ATF7IP: variants seen among roughly 807,000 people sequenced by gnomAD.
The protein encoded by ATF7IP is activating transcription factor 7 interacting protein, also known as activating transcription factor 7-interacting protein 1.
ATF7IP carries 23 observed loss-of-function variants against 106.4 expected under a neutral mutation model. The observed-to-expected ratio is 0.22, with a 90% CI of 0.16 to 0.31. The LOEUF (loss-of-function observed/expected upper bound fraction) is 0.31, where lower values mean the gene tolerates loss of function less well. ATF7IP is among the 10% of genes least tolerant of loss of function. The pLI is 1.00. For missense variants in ATF7IP, 1,334 were observed against 1,524.3 expected (o/e 0.88, Z 2.08); for synonymous variants, 542 against 539.0 (o/e 1.01, Z -0.08).
chr12:14,374,096 A>AC lies in ATF7IP; in HGVS notation c.-8+8270dup, dbSNP rs1938632460. Among the ~76,000 whole-genome samples, 4 of 149,136 alleles carry AC rather than the reference A, an allele frequency of 2.7e-5. No individual in the cohort carries two copies. The East Asian group carries it at 7.9e-4, about 29-fold the overall frequency. Reference sequence around the variant, plus strand: ...TACATTTTCCATGATGGAAAATATGACTTTTTTTTTTTTTAATTGAGACTA... The same window carrying AC: ...TACATTTTCCATGATGGAAAATATGACCTTTTTTTTTTTTTAATTGAGACTA... On this transcript the variant is annotated intron_variant, in intron 1 of 14. Coordinates refer to ENST00000261168, the MANE Select transcript of ATF7IP (RefSeq NM_018179.5).
At chr12:14,403,471 T>A (rs889066851) in intron 1 of ATF7IP, among the ~76,000 whole-genome samples, 1 of 152,212 alleles carries the variant, frequency 6.6e-6, no homozygotes, top group East Asian at 1.9e-4. Context: ...ACTGCTCTTC[T>A]AGTCTCTCTA....
Position 14,502,568 on chromosome 12 carries a change from T to C in ATF7IP, c.*4495T>C, listed in dbSNP as rs1945188375. On this transcript the variant is annotated 3_prime_UTR_variant, in exon 15 of 15. Transcript: ENST00000261168. ...GTTTTGTTTTGTTTTGTAAATAAGG[T>C]AACTGGGCAATCAAACACCTTTTGG... 6.6e-6 allele frequency: 1 copy of C among 152,170 alleles called. No individual in the cohort carries two copies. Among genetic ancestry groups the C allele is most frequent in the African/African-American group, 2.4e-5 (1 of 41,456 alleles). The allele number at this position is 152,170 out of a possible 1,614,324, so 9.4% of individuals were successfully genotyped here.
chr12:14,490,010 G>A (rs747032358), intron 13 of ATF7IP, among the ~76,000 whole-genome samples: 5 of 152,186 alleles, frequency 3.3e-5, no homozygotes, highest in South Asian at 2.1e-4. Context: ...TGATCACCCC[G>A]AGGAATGGCA....
intron 1 of ATF7IP, among the ~76,000 whole-genome samples, chr12:14,379,903 G>C (rs529360706): frequency 2.0e-4 from 30 of 151,360 alleles, no homozygotes; most frequent in African/African-American, 7.0e-4. Flanking sequence ...ATTATGGTCT[G>C]CTGGCATGCT....
intron 1 of ATF7IP, among the ~76,000 whole-genome samples, chr12:14,374,617 A>T (rs575931893): frequency 6.6e-6 from 1 of 152,278 alleles, no homozygotes; most frequent in East Asian, 1.9e-4. Context: ...AGGAGATTTT[A>T]TGGGAGTTGT....
Position 14,498,249 on chromosome 12 carries a change from G to T in ATF7IP, c.*176G>T. The T allele has an allele frequency of 1.6e-6, 1 of 618,518 alleles. No individual in the cohort carries two copies. The highest frequency in any genetic ancestry group is 2.8e-5 in the East Asian group (1 of 36,130). The allele number at this position is 618,518 out of a possible 1,614,324, so 38.3% of individuals were successfully genotyped here. On this transcript the variant is annotated 3_prime_UTR_variant, in exon 15 of 15. Coordinates refer to ENST00000261168, the MANE Select transcript of ATF7IP (RefSeq NM_018179.5). ...AAAATAAACTCAGCCCACAAAGCTA[G>T]AATCTTTTCCTGGACAGTTTAGGCT...
chr12:14,413,345 G>A (rs1260774586), intron 1 of ATF7IP, among the ~76,000 whole-genome samples: 1 of 152,200 alleles, frequency 6.6e-6, no homozygotes, highest in African/African-American at 2.4e-5. Flanking sequence ...GCAGTCAGCA[G>A]GCTGGTGAAA....
intron 13 of ATF7IP, among the ~76,000 whole-genome samples, chr12:14,483,127 C>T (rs1944481574): frequency 6.6e-6 from 1 of 152,230 alleles, no homozygotes; most frequent in African/African-American, 2.4e-5. Flanking sequence ...TGACTACCTT[C>T]TTCTACTACC....
chr12:14,426,823 C>CAA (rs1491532843), intron 2 of ATF7IP, among the ~76,000 whole-genome samples: 4 of 16,054 alleles, frequency 2.5e-4, no homozygotes, highest in Non-Finnish European at 3.1e-4. Context: ...GACCCTGCCT[C>CAA]AAAAAAAAAA....
At chr12:14,430,483 A>G (rs1261475401) in intron 2 of ATF7IP, among the ~76,000 whole-genome samples, 1 of 152,232 alleles carries the variant, frequency 6.6e-6, no homozygotes, top group Non-Finnish European at 1.5e-5. Context: ...ATTATTTGCC[A>G]TTCTGTATTG....
At chr12:14,452,543 A>C (rs915622979) in intron 6 of ATF7IP, among the ~76,000 whole-genome samples, 1 of 152,110 alleles carries the variant, frequency 6.6e-6, no homozygotes, top group African/African-American at 2.4e-5. Context: ...TGGGGATTAC[A>C]TAAAACATCC....
At chr12:14,468,642 C>T (rs1471269947) in intron 10 of ATF7IP, among the ~76,000 whole-genome samples, 2 of 152,110 alleles carry the variant, frequency 1.3e-5, no homozygotes, top group Non-Finnish European at 2.9e-5. Context: ...TGCGTACAAG[C>T]AGTTTGAGCA....
Position 14,424,890 on chromosome 12 carries a change from A to G in ATF7IP, c.975A>G (p.Lys325=). Residue 325 remains lysine, a synonymous_variant, in exon 2 of 15, where the codon AAA becomes AAG. Transcript: ENST00000261168. ...DFLEKNGADE[K]LEQIQSKDSL... is the part of the protein sequence containing the mutation. The stretch of plus-strand genomic sequence containing the variant: ...TTGAAAAAAATGGAGCTGATGAAAA[A>G]TTAGAGCAAATTCAGAGTAAAGACT... 1.2e-6 allele frequency: 2 copies of G among 1,610,262 alleles called. No individual in the cohort carries two copies. The highest frequency in any genetic ancestry group is 4.5e-5 in the East Asian group (2 of 44,884).
At chr12:14,401,173 A>C (rs540454302) in intron 1 of ATF7IP, among the ~76,000 whole-genome samples, 1 of 152,128 alleles carries the variant, frequency 6.6e-6, no homozygotes, top group African/African-American at 2.4e-5. Flanking sequence ...TTCAAAATCC[A>C]TTTCTTCCTT....
chr12:14,452,900 G>T (rs971030442), intron 6 of ATF7IP, among the ~76,000 whole-genome samples: 41 of 152,032 alleles, frequency 2.7e-4, no homozygotes, highest in African/African-American at 8.7e-4. Context: ...GTATAGTGAT[G>T]AAACTCCTTC....
intron 2 of ATF7IP, among the ~76,000 whole-genome samples, chr12:14,433,277 G>C (rs926140664): frequency 6.6e-6 from 1 of 151,994 alleles, no homozygotes; most frequent in Non-Finnish European, 1.5e-5. Context: ...GAGGCTGAGG[G>C]GGGTGGATCA....
intron 1 of ATF7IP, among the ~76,000 whole-genome samples, chr12:14,379,258 C>T (rs539998667): frequency 1.3e-4 from 20 of 152,226 alleles, no homozygotes; most frequent in Non-Finnish European, 2.6e-4. Flanking sequence ...CTTGCCTCTG[C>T]CATGTGATGT....
rs115689342 is a variant in ATF7IP, at chr12:14,487,470, C to T, written c.3280+6285C>T. Among the ~76,000 whole-genome samples the T allele has an allele frequency of 1.7e-3, 253 of 152,276 alleles. 1 individual carries two copies. Among genetic ancestry groups the T allele is most frequent in the African/African-American group, 5.8e-3 (242 of 41,548 alleles). On this transcript the variant is annotated intron_variant, in intron 13 of 14. Coordinates refer to ENST00000261168, the MANE Select transcript of ATF7IP (RefSeq NM_018179.5). Reference sequence around the variant, plus strand: ...TACCTGGCAACTGCCTCAGAGGAGGCCATCACTGTTGCCTCACATATCACA... The same window carrying T: ...TACCTGGCAACTGCCTCAGAGGAGGTCATCACTGTTGCCTCACATATCACA...
intron 2 of ATF7IP, among the ~76,000 whole-genome samples, chr12:14,430,430 A>G (rs369116695): frequency 2.0e-5 from 3 of 152,176 alleles, no homozygotes; most frequent in African/African-American, 7.2e-5. Flanking sequence ...TTTCCCCGCT[A>G]GGTTTTGCTT....
Sources: gnomAD v4.1 joint callset for allele counts (sites outside exome capture counted in the v4.1 genomes callset) on GRCh38, gnomAD v4.1.1 for gene constraint, MANE v1.5 for transcripts, NCBI Gene and HGNC (gene_info 2026-07-23, HGNC 2026-07-21) for gene names.